The following CNTN3 variants were observed in gnomAD, a reference collection of about 807,000 sequenced individuals.
CNTN3 encodes the protein contactin 3, also known as contactin-3.
A neutral mutation model predicts 119.1 loss-of-function variants in CNTN3; 60 were observed. The ratio of observed to expected loss-of-function variants is 0.50; its 90% CI spans 0.41 to 0.62. The LOEUF (loss-of-function observed/expected upper bound fraction) is 0.62. Among genes scored for constraint, CNTN3 ranks in the 20% least tolerant of loss-of-function variants. The pLI is 0.00. For synonymous variants in CNTN3, 450 were observed against 438.7 expected (o/e 1.03, Z -0.32); for missense variants, 1,101 against 1,242.4 (o/e 0.89, Z 1.71).
intron 5 of CNTN3, among the ~76,000 whole-genome samples, chr3:74,389,736 C>T (rs1704846444): frequency 6.6e-6 from 1 of 152,128 alleles, no homozygotes; most frequent in Non-Finnish European, 1.5e-5. Context: ...CAGCGTAATT[C>T]CTAAGTCCCT....
intron 5 of CNTN3, among the ~76,000 whole-genome samples, chr3:74,394,319 G>GT (rs146891936): frequency 0.026 from 3,970 of 152,236 alleles, 180 homozygotes; most frequent in African/African-American, 0.09. Context: ...CTCTCTAGAT[G>GT]TTAATTAACC....
chr3:74,331,194 GT>G (rs1703256063), intron 13 of CNTN3, among the ~76,000 whole-genome samples: 1 of 152,138 alleles, frequency 6.6e-6, no homozygotes, highest in African/African-American at 2.4e-5. Context: ...TTCACAGTAA[GT>G]GCCCTATACA....
At position 74,299,893 on chromosome 3, in the gene CNTN3, C is replaced by A; in HGVS notation, c.2141G>T (p.Arg714Leu). 1.9e-6 allele frequency: 3 copies of A among 1,606,152 alleles called. No individual in the cohort carries two copies. The highest frequency in any genetic ancestry group is 2.5e-6 in the Non-Finnish European group (3 of 1,176,580). ...PSEVNGGGGS[R>L]SELVITWDPV... is the part of the protein sequence containing the mutation. Reference sequence around the variant, plus strand: ...ATCCCAGGTTATCACAAGTTCAGACCGGCTTCCGCCTCCTCCATTGACTTC... The same window carrying A: ...ATCCCAGGTTATCACAAGTTCAGACAGGCTTCCGCCTCCTCCATTGACTTC... Residue 714 changes from arginine to leucine, a missense_variant, in exon 17 of 23, where the codon CGG becomes CTG. By Grantham distance (102) the Arg-to-Leu change is moderately radical. Coordinates refer to ENST00000263665, the MANE Select transcript of CNTN3 (RefSeq NM_020872.3).
intron 5 of CNTN3, among the ~76,000 whole-genome samples, chr3:74,410,093 C>T (rs762433304): frequency 9.2e-5 from 14 of 152,138 alleles, no homozygotes; most frequent in Non-Finnish European, 1.8e-4. Flanking sequence ...ATTCAGAATG[C>T]CTTGACTGCA....
intron 20 of CNTN3, among the ~76,000 whole-genome samples, chr3:74,275,062 C>A (rs751060431): frequency 2.0e-5 from 3 of 152,056 alleles, no homozygotes; most frequent in Non-Finnish European, 4.4e-5. Flanking sequence ...AAATTCAGAG[C>A]GTGAAGACAA....
chr3:74,395,755 A>C (rs116508215), intron 5 of CNTN3, among the ~76,000 whole-genome samples: 68 of 152,114 alleles, frequency 4.5e-4, no homozygotes, highest in Middle Eastern at 3.4e-3. Context: ...CTTTGCAGAT[A>C]TTGTGTGTGT....
At chr3:74,540,518 T>G (rs985411029) in intron 1 of CNTN3, among the ~76,000 whole-genome samples, 7 of 151,906 alleles carry the variant, frequency 4.6e-5, no homozygotes, top group Admixed American at 2.0e-4. Flanking sequence ...AATATTTACT[T>G]ACTATACGTC....
chr3:74,561,471 T>C (rs1704153016), intron 1 of CNTN3, among the ~76,000 whole-genome samples: 1 of 152,120 alleles, frequency 6.6e-6, no homozygotes, highest in Non-Finnish European at 1.5e-5. Flanking sequence ...TTCATATGCG[T>C]CAAGTTTATC....
In CNTN3 at chr3:74,365,685, G is replaced by GCTTCAT. The variant is rs1704170985; in HGVS notation, c.963_964insATGAAG (p.Val321_Gln322insMetLys). The GCTTCAT allele has an allele frequency of 1.2e-6, 2 of 1,612,572 alleles. No homozygotes were observed. The highest frequency in any genetic ancestry group is 2.7e-5 in the African/African-American group (2 of 74,766). ...GCTATTTCCACATCCTTTATGAGTT[G>GCTTCAT]AACCCAATGGGGCTTTGCTTCAATG... On this transcript the variant is annotated inframe_insertion, in exon 9 of 23. Transcript: ENST00000263665.
At chr3:74,350,430 T>C (rs772922457) in intron 11 of CNTN3, among the ~76,000 whole-genome samples, 3 of 152,166 alleles carry the variant, frequency 2.0e-5, no homozygotes, top group Non-Finnish European at 2.9e-5. Flanking sequence ...TAACAGATGT[T>C]GGTGAGGGTA....
chr3:74,570,925 G>A (rs17012642), intron 1 of CNTN3, among the ~76,000 whole-genome samples: 1 of 152,032 alleles, frequency 6.6e-6, no homozygotes, highest in African/African-American at 2.4e-5. Flanking sequence ...AACTCCTAAG[G>A]GGATTTAATC....
intron 10 of CNTN3, 105 bp from the exon 11 acceptor site, chr3:74,362,145 G>T: frequency 8.2e-7 from 1 of 1,226,278 alleles, no homozygotes; most frequent in South Asian, 1.5e-5. Flanking sequence ...TTACATTCAG[G>T]GTGTCAGTGC....
Position 74,314,640 on chromosome 3 carries a change from A to C in CNTN3, c.1669-11833T>G, listed in dbSNP as rs74979144. Among the ~76,000 whole-genome samples the C allele has an allele frequency of 6.3e-3, 956 of 152,304 alleles. 11 individuals are homozygous for C. The highest frequency in any genetic ancestry group is 0.022 in the African/African-American group (915 of 41,570). Reference sequence around the variant, plus strand: ...TATTTACCTAACAACAGAGCATCAAAATACATAAGGCAAATACAGATAGAA... The same window carrying C: ...TATTTACCTAACAACAGAGCATCAACATACATAAGGCAAATACAGATAGAA... On this transcript the variant is annotated intron_variant, in intron 13 of 22. Coordinates refer to ENST00000263665, the MANE Select transcript of CNTN3 (RefSeq NM_020872.3).
At chr3:74,378,986 G>A (rs1203211983) in intron 5 of CNTN3, among the ~76,000 whole-genome samples, 1 of 152,052 alleles carries the variant, frequency 6.6e-6, no homozygotes, top group South Asian at 2.1e-4. Flanking sequence ...GAGCATATAT[G>A]AGCTATTTCT....
intron 5 of CNTN3, among the ~76,000 whole-genome samples, chr3:74,420,000 T>C (rs1701591480): frequency 6.6e-6 from 1 of 152,258 alleles, no homozygotes; most frequent in Non-Finnish European, 1.5e-5. Context: ...CTACAGGTGA[T>C]GCATGTCCAG....
At chr3:74,333,922 T>G (rs1485868160) in intron 13 of CNTN3, among the ~76,000 whole-genome samples, 1 of 152,182 alleles carries the variant, frequency 6.6e-6, no homozygotes, top group Non-Finnish European at 1.5e-5. Flanking sequence ...ACCATGGACC[T>G]CTTTACCAAA....
At chr3:74,439,405 G>A (rs1220268671) in intron 4 of CNTN3, among the ~76,000 whole-genome samples, 1 of 126,692 alleles carries the variant, frequency 7.9e-6, no homozygotes, top group Non-Finnish European at 1.8e-5. Flanking sequence ...TACTCAGGAG[G>A]CTGAGGCAGG....
chr3:74,313,062 T>C (rs1388543011), intron 13 of CNTN3, among the ~76,000 whole-genome samples: 2 of 149,960 alleles, frequency 1.3e-5, no homozygotes, highest in African/African-American at 4.9e-5. Context: ...GATTGGCTTA[T>C]TAATAGACTG....
chr3:74,422,312 C>G (rs1024635297), intron 5 of CNTN3, among the ~76,000 whole-genome samples: 1 of 152,174 alleles, frequency 6.6e-6, no homozygotes, highest in African/African-American at 2.4e-5. Context: ...ATTTGCTCTC[C>G]TATGCATGCT....
Sources: gnomAD v4.1 joint callset for allele counts (sites outside exome capture counted in the v4.1 genomes callset) on GRCh38, gnomAD v4.1.1 for gene constraint, MANE v1.5 for transcripts, NCBI Gene and HGNC (gene_info 2026-07-23, HGNC 2026-07-21) for gene names.